The following XKR9 variants were observed in gnomAD, a reference collection of about 807,000 sequenced individuals.
The protein encoded by XKR9 is XK related 9.
Under a neutral mutation model 32.0 loss-of-function variants are expected in XKR9, and 32 were observed. The ratio of observed to expected loss-of-function variants is 1.00; its 90% CI spans 0.76 to 1.34. XKR9 has a LOEUF of 1.34. Ranked by LOEUF, XKR9 falls within the 40% of genes most tolerant of loss-of-function variation. The probability of loss-of-function intolerance (pLI) is 0.00; values close to 1 mark genes in which losing one functional copy is unlikely to be tolerated. For missense variants in XKR9, 546 were observed against 429.7 expected (o/e 1.27, Z -2.39); for synonymous variants, 168 against 143.4 (o/e 1.17, Z -1.22).
chr8:70,700,455 C>T (rs1417866914), intron 3 of XKR9, among the ~76,000 whole-genome samples: 1 of 152,190 alleles, frequency 6.6e-6, no homozygotes, highest in African/African-American at 2.4e-5. Flanking sequence ...CACTCCAGAA[C>T]CTGTTTGCCT....
chr8:71,034,703 G>T, the XKR9 span, among the ~76,000 whole-genome samples: 2 of 151,968 alleles, frequency 1.3e-5, no homozygotes, highest in African/African-American at 4.8e-5. Flanking sequence ...TCAGCCTCCT[G>T]CTGTGGAGTC....
the XKR9 span, among the ~76,000 whole-genome samples, chr8:70,959,934 G>C: frequency 5.7e-3 from 865 of 152,182 alleles, 8 homozygotes; most frequent in African/African-American, 0.019. Flanking sequence ...TTACACATTG[G>C]GATTAAAAAA....
At chr8:70,715,161 T>G (rs1021046203) in intron 4 of XKR9, among the ~76,000 whole-genome samples, 2 of 152,206 alleles carry the variant, frequency 1.3e-5, no homozygotes, top group Non-Finnish European at 2.9e-5. Context: ...TAAACTGCCT[T>G]GGAATCCTAG....
chr8:70,755,929 G>A (rs1355720131), intron 2 of XKR9, among the ~76,000 whole-genome samples: 1 of 151,856 alleles, frequency 6.6e-6, no homozygotes, highest in African/African-American at 2.4e-5. Flanking sequence ...TTAAAAAAAA[G>A]ATTTTGGTTT....
the XKR9 span, among the ~76,000 whole-genome samples, chr8:71,065,418 C>T: frequency 6.6e-6 from 1 of 152,206 alleles, no homozygotes; most frequent in Non-Finnish European, 1.5e-5. Context: ...AAGAGAGCCC[C>T]TACCAGATCT....
chr8:70,830,986 A>T, the XKR9 span, among the ~76,000 whole-genome samples: 32 of 152,110 alleles, frequency 2.1e-4, no homozygotes, highest in Admixed American at 2.0e-3. Context: ...ATACCAGATA[A>T]CTTTTTAAAA....
At chr8:71,015,789 A>C in the XKR9 span, among the ~76,000 whole-genome samples, 1 of 150,162 alleles carries the variant, frequency 6.7e-6, no homozygotes, top group Non-Finnish European at 1.5e-5. Flanking sequence ...AAAAAAAAAA[A>C]CTTTTGAGTG....
chr8:70,683,899 T>A (rs900318715), intron 3 of XKR9, among the ~76,000 whole-genome samples: 1 of 152,238 alleles, frequency 6.6e-6, no homozygotes, highest in Admixed American at 6.5e-5. Context: ...AATGTCTTTA[T>A]TTCATTATCT....
chr8:70,884,099 T>A, the XKR9 span, among the ~76,000 whole-genome samples: 5 of 152,118 alleles, frequency 3.3e-5, no homozygotes, highest in Admixed American at 3.3e-4. Flanking sequence ...TGTAGTGGTA[T>A]TTCATTTTAA....
the XKR9 span, among the ~76,000 whole-genome samples, chr8:70,895,697 C>G: frequency 6.6e-6 from 1 of 151,398 alleles, no homozygotes; most frequent in Non-Finnish European, 1.5e-5. Context: ...AGAAAGTTCT[C>G]TTGTAGGCTG....
chr8:71,021,790 C>G, the XKR9 span, among the ~76,000 whole-genome samples: 7 of 152,178 alleles, frequency 4.6e-5, no homozygotes, highest in South Asian at 1.5e-3. Context: ...CGTGAGCCAC[C>G]GCGCCCGGCC....
the XKR9 span, among the ~76,000 whole-genome samples, chr8:70,929,704 C>A: frequency 6.6e-6 from 1 of 152,198 alleles, no homozygotes; most frequent in Admixed American, 6.5e-5. Flanking sequence ...ATGGCCACTT[C>A]CATCTTCAAG....
At position 70,733,934 on chromosome 8, in the gene XKR9, T is replaced by TA. The variant is rs1806761808; in HGVS notation, c.632_633insA (p.Phe211LeufsTer19). ...ATCACATATCTCTTTTACAAGTTGT[T>TA]TACATTATTATCGTGGATGCTGAGT... On this transcript the variant is annotated frameshift_variant, in exon 5 of 5. Coordinates refer to ENST00000408926, the MANE Select transcript of XKR9 (RefSeq NM_001011720.2). LOFTEE classifies it high-confidence loss of function. 8 of 1,612,950 alleles carry TA rather than the reference T, an allele frequency of 5.0e-6. No homozygotes were observed. In the Admixed American group the frequency reaches 1.3e-4, roughly 27 times the overall value.
chr8:70,727,097 A>G (rs1806495745), intron 4 of XKR9, among the ~76,000 whole-genome samples: 1 of 152,154 alleles, frequency 6.6e-6, no homozygotes, highest in Admixed American at 6.5e-5. Context: ...GATGGACTAT[A>G]TGGCTGGTAT....
At chr8:70,965,369 T>C in the XKR9 span, among the ~76,000 whole-genome samples, 1 of 152,220 alleles carries the variant, frequency 6.6e-6, no homozygotes, top group Non-Finnish European at 1.5e-5. Flanking sequence ...ATTGAGGATT[T>C]TTGCGTTGAT....
intron 3 of XKR9, among the ~76,000 whole-genome samples, chr8:70,694,713 A>G (rs1001152772): frequency 2.0e-5 from 3 of 152,222 alleles, no homozygotes; most frequent in Non-Finnish European, 1.5e-5. Flanking sequence ...AGCTGGCTAG[A>G]ATTCCAAGTA....
the XKR9 span, among the ~76,000 whole-genome samples, chr8:70,825,959 T>C: frequency 6.6e-6 from 1 of 152,106 alleles, no homozygotes; most frequent in East Asian, 1.9e-4. Context: ...CTTTGCATCA[T>C]GTAATACATA....
Position 70,669,355 on chromosome 8 carries a change from C to T in XKR9, c.-544C>T, listed in dbSNP as rs1818609511. 1 of 488,872 alleles carries T rather than the reference C, an allele frequency of 2.0e-6. No homozygotes were observed. The highest frequency in any genetic ancestry group is 3.6e-6 in the Non-Finnish European group (1 of 280,286). The allele number at this position is 488,872 out of a possible 1,614,324, so 30.3% of individuals were successfully genotyped here. On this transcript the variant is annotated 5_prime_UTR_variant, in exon 1 of 5. Coordinates refer to ENST00000408926, the MANE Select transcript of XKR9 (RefSeq NM_001011720.2). ...TGCGGAACTAGAGGTCACGTGACGC[C>T]GCGCGGGCTGCGCGGGCAGTGGTGG...
intron 2 of XKR9, among the ~76,000 whole-genome samples, chr8:70,777,720 T>C (rs547037452): frequency 2.0e-4 from 30 of 152,280 alleles, no homozygotes; most frequent in African/African-American, 7.0e-4. Context: ...ATGATGAGCA[T>C]TTTTTTCATA....
Sources: allele counts gnomAD v4.1 joint callset (sites outside exome capture counted in the v4.1 genomes callset), GRCh38; gene constraint gnomAD v4.1.1; transcripts MANE v1.5; gene names NCBI Gene and HGNC (gene_info 2026-07-23, HGNC 2026-07-21).